Variants in AGAP1 observed in about 807,000 individuals in gnomAD.
AGAP1 encodes arf-GAP with GTPase, ANK repeat and PH domain-containing protein 1.
In AGAP1, 29 loss-of-function variants were observed where a neutral mutation model predicts 105.3. That is an observed-to-expected ratio of 0.28 (90% CI 0.21 to 0.38). The LOEUF (loss-of-function observed/expected upper bound fraction) is 0.38. Ranked by LOEUF, AGAP1 falls within the 10% of genes least tolerant of loss-of-function variation. AGAP1 has a pLI of 1.00. For synonymous variants in AGAP1, 509 were observed against 485.9 expected (o/e 1.05, Z -0.63); for missense variants, 998 against 1,165.1 (o/e 0.86, Z 2.09).
At chr2:235,605,404 G>A (rs1006088547) in intron 1 of AGAP1, among the ~76,000 whole-genome samples, 33 of 152,286 alleles carry the variant, frequency 2.2e-4, no homozygotes, top group African/African-American at 7.0e-4. Context: ...GCAGAATTTC[G>A]CCACATGCGA....
intron 1 of AGAP1, among the ~76,000 whole-genome samples, chr2:235,624,669 G>T (rs564181073): frequency 6.6e-6 from 1 of 152,230 alleles, no homozygotes; most frequent in South Asian, 2.1e-4. Context: ...AGGGGTCTCA[G>T]CTACAGCCCC....
intron 9 of AGAP1, among the ~76,000 whole-genome samples, chr2:235,873,504 T>A (rs1259622028): frequency 6.6e-6 from 1 of 152,212 alleles, no homozygotes; most frequent in African/African-American, 2.4e-5. Context: ...AAACTTTTTT[T>A]TTTTTAAAGG....
chr2:236,022,899 A>G (rs1055752640), intron 13 of AGAP1, among the ~76,000 whole-genome samples: 3 of 152,174 alleles, frequency 2.0e-5, no homozygotes, highest in African/African-American at 7.2e-5. Flanking sequence ...GAAAATAAAA[A>G]CTGACTTTCT....
chr2:235,928,235 G>A (rs768644820), intron 11 of AGAP1, among the ~76,000 whole-genome samples: 7 of 152,284 alleles, frequency 4.6e-5, no homozygotes, highest in South Asian at 2.1e-4. Context: ...TGATGAAAGC[G>A]GAACCAGGCC....
At position 236,028,353 on chromosome 2, in the gene AGAP1, G is replaced by A. The variant is rs373272289; in HGVS notation, c.1646-8208G>A. Among the ~76,000 whole-genome samples, 29 of 152,286 alleles carry A rather than the reference G, an allele frequency of 1.9e-4. 1 individual carries two copies. In the South Asian group the frequency reaches 4.6e-3, roughly 24 times the overall value. ...CCGTCACCTCCAGGCAAAGTGTAAA[G>A]CCTTCTCTTTGCCACCTCTTCTGAG... On this transcript the variant is annotated intron_variant, in intron 13 of 17. Coordinates refer to ENST00000304032, the MANE Select transcript of AGAP1 (RefSeq NM_001037131.3).
rs1944359558 is a variant in AGAP1 at position 235,566,775 on chromosome 2, T to A, written c.163+71926T>A. 6.6e-6 allele frequency among the ~76,000 whole-genome samples: 1 copy of A among 152,226 alleles called. No individual in the cohort carries two copies. Among genetic ancestry groups the A allele is most frequent in the East Asian group, 1.9e-4 (1 of 5,192 alleles). On this transcript the variant is annotated intron_variant, in intron 1 of 17. Transcript: ENST00000304032. This position sits in a 1 kb window ranked among gnomAD's most constrained non-coding sequence, Gnocchi z 5.2. ...TCCCTGCCTGAAGGGGGCCCCGTGT[T>A]AGTTTCCTGTGGCTGCCGTAACAGC...
Position 235,720,197 on chromosome 2 carries a change from C to T in AGAP1, c.310+2553C>T, listed in dbSNP as rs1459778967. 6.6e-6 allele frequency among the ~76,000 whole-genome samples: 1 copy of T among 152,224 alleles called. No homozygotes were observed. Among genetic ancestry groups the T allele is most frequent in the African/African-American group, 2.4e-5 (1 of 41,452 alleles). ...CGGTCTTGCCATCCTGAAATTCCCTCTCATGCTCAGGGAGCCTGTACCTGG... is the reference window on the plus strand; with the variant it reads ...CGGTCTTGCCATCCTGAAATTCCCTTTCATGCTCAGGGAGCCTGTACCTGG... On this transcript the variant is annotated intron_variant, in intron 3 of 17. Coordinates refer to ENST00000304032, the MANE Select transcript of AGAP1 (RefSeq NM_001037131.3). This position sits in a 1 kb window ranked among gnomAD's most constrained non-coding sequence, Gnocchi z 5.0.
chr2:235,898,791 G>GCC (rs2050928645), intron 10 of AGAP1, among the ~76,000 whole-genome samples: 1 of 152,138 alleles, frequency 6.6e-6, no homozygotes, highest in East Asian at 1.9e-4. Context: ...TGAATGACAG[G>GCC]CCCCCAGTGT....
chr2:235,998,739 G>T (rs1205208989), intron 13 of AGAP1, among the ~76,000 whole-genome samples: 2 of 150,794 alleles, frequency 1.3e-5, no homozygotes, highest in African/African-American at 4.9e-5. Flanking sequence ...ATGGTATGAT[G>T]ATTAATATGG....
At chr2:235,653,281 C>A (rs374842601) in intron 1 of AGAP1, among the ~76,000 whole-genome samples, 2 of 151,854 alleles carry the variant, frequency 1.3e-5, no homozygotes, top group East Asian at 1.9e-4. Flanking sequence ...CTGGCTATCA[C>A]GGTGAAACAC....
At chr2:235,949,327 T>A (rs981405337) in intron 12 of AGAP1, among the ~76,000 whole-genome samples, 1 of 152,188 alleles carries the variant, frequency 6.6e-6, no homozygotes, top group Admixed American at 6.5e-5. Flanking sequence ...ACCTGTAATT[T>A]CCATGATAAT....
intron 16 of AGAP1, among the ~76,000 whole-genome samples, chr2:236,054,424 G>A (rs910993158): frequency 3.1e-5 from 4 of 130,830 alleles, no homozygotes; most frequent in Admixed American, 8.4e-5. Flanking sequence ...TGAGGTCAAT[G>A]TTTTGTCTCT....
intron 13 of AGAP1, among the ~76,000 whole-genome samples, chr2:235,968,851 C>T (rs1364906405): frequency 3.3e-5 from 5 of 152,110 alleles, no homozygotes; most frequent in African/African-American, 4.8e-5. Context: ...TCTTGGCCGC[C>T]GTCGCTGGTA....
chr2:235,545,550 G>T (rs978489310), intron 1 of AGAP1, among the ~76,000 whole-genome samples: 1 of 152,190 alleles, frequency 6.6e-6, no homozygotes, highest in African/African-American at 2.4e-5. Context: ...CTCCGACTCC[G>T]TTGCTGTTTC....
At chr2:235,913,748 C>T (rs138688627) in intron 11 of AGAP1, among the ~76,000 whole-genome samples, 2 of 151,988 alleles carry the variant, frequency 1.3e-5, no homozygotes, top group African/African-American at 4.8e-5. Flanking sequence ...TAAAAATAAT[C>T]CCCTCATTGG....
intron 1 of AGAP1, among the ~76,000 whole-genome samples, chr2:235,684,191 G>A (rs751492631): frequency 2.6e-5 from 4 of 152,034 alleles, no homozygotes; most frequent in Admixed American, 6.6e-5. Flanking sequence ...ACAGGTGGCC[G>A]CCACCACGCC....
intron 1 of AGAP1, among the ~76,000 whole-genome samples, chr2:235,676,904 A>G (rs959126901): frequency 7.2e-5 from 11 of 152,212 alleles, no homozygotes; most frequent in Admixed American, 5.9e-4. Context: ...TTAAGAACAG[A>G]ATTGGTATTA....
In AGAP1 at chr2:235,692,979, G is replaced by T. The variant is rs1281250893; in HGVS notation, c.164-16200G>T. ...TACTGTGCATGGGAGAGGGAGTGTGGCCTGCAGGCCAGTGGCTGAGGCCCA... is the reference window on the plus strand; with the variant it reads ...TACTGTGCATGGGAGAGGGAGTGTGTCCTGCAGGCCAGTGGCTGAGGCCCA... On this transcript the variant is annotated intron_variant, in intron 1 of 17. Coordinates refer to ENST00000304032, the MANE Select transcript of AGAP1 (RefSeq NM_001037131.3). The surrounding 1 kb of genome is among the most constrained non-coding windows in gnomAD (Gnocchi z 5.8). 6.6e-6 allele frequency among the ~76,000 whole-genome samples: 1 copy of T among 152,134 alleles called. No homozygotes were observed.
intron 1 of AGAP1, among the ~76,000 whole-genome samples, chr2:235,643,456 AAAAAG>A (rs1221210488): frequency 1.3e-5 from 2 of 150,662 alleles, no homozygotes; most frequent in Non-Finnish European, 3.0e-5. Flanking sequence ...AAAAAAAAAA[AAAAAG>A]AAAGAAAGTT....
Sources: allele counts gnomAD v4.1 joint callset (sites outside exome capture counted in the v4.1 genomes callset), GRCh38; gene constraint gnomAD v4.1.1; non-coding constraint Gnocchi (gnomAD v3.1); transcripts MANE v1.5; gene names NCBI Gene and HGNC (gene_info 2026-07-23, HGNC 2026-07-21).